Variants in DIPK1A observed in about 807,000 individuals in gnomAD.
DIPK1A encodes the protein divergent protein kinase domain 1A, also known as family with sequence similarity 69 member A.
A neutral mutation model predicts 40.8 loss-of-function variants in DIPK1A; 27 were observed. The observed-to-expected ratio is 0.66, with a 90% confidence interval of 0.49 to 0.91. The LOEUF (loss-of-function observed/expected upper bound fraction) is 0.91, where lower values mean the gene tolerates loss of function less well. Ranked by LOEUF, DIPK1A falls within the 40% of genes least tolerant of loss-of-function variation. The pLI is 0.00. For synonymous variants in DIPK1A, 166 were observed against 171.3 expected, an observed-to-expected ratio of 0.97 and a Z score of 0.24; for missense variants, 412 against 505.7, an observed-to-expected ratio of 0.81 and a Z score of 1.78.
chr1:92,959,745 T>C (rs1651988165), intron 1 of DIPK1A, among the ~76,000 whole-genome samples: 1 of 150,414 alleles, frequency 6.6e-6, no homozygotes, highest in African/African-American at 2.5e-5. Flanking sequence ...GCCGTTTTTT[T>C]GTTTTTGTTT....
chr1:92,835,490 TA>T (rs1293212593), intron 4 of DIPK1A, among the ~76,000 whole-genome samples: 1 of 146,438 alleles, frequency 6.8e-6, no homozygotes, highest in Non-Finnish European at 1.5e-5. Flanking sequence ...CTGTCTCTAC[TA>T]AAAAAGTAGA....
downstream of DIPK1A, among the ~76,000 whole-genome samples, chr1:92,838,471 C>A (rs1184066282): frequency 6.6e-6 from 1 of 152,222 alleles, no homozygotes; most frequent in African/African-American, 2.4e-5. Context: ...TTGCTCAGAA[C>A]TTTTCAGACT....
At chr1:92,919,979 T>A (rs900905916) in intron 1 of DIPK1A, among the ~76,000 whole-genome samples, 1 of 152,236 alleles carries the variant, frequency 6.6e-6, no homozygotes, top group Non-Finnish European at 1.5e-5. Flanking sequence ...TGTACACAAG[T>A]ATATCACAGG....
chr1:92,872,742 T>G (rs1647932481), intron 2 of DIPK1A, among the ~76,000 whole-genome samples: 1 of 152,220 alleles, frequency 6.6e-6, no homozygotes, highest in South Asian at 2.1e-4. Flanking sequence ...TAGCTACTTA[T>G]GTCCAAGGGT....
intron 1 of DIPK1A, among the ~76,000 whole-genome samples, chr1:92,958,543 C>A (rs1219617953): frequency 1.3e-5 from 2 of 152,146 alleles, no homozygotes; most frequent in Non-Finnish European, 2.9e-5. Flanking sequence ...GTACTCTTAC[C>A]CTTCCCCTCC....
intron 1 of DIPK1A, among the ~76,000 whole-genome samples, chr1:92,880,723 G>C (rs2100783548): frequency 6.6e-6 from 1 of 151,884 alleles, no homozygotes; most frequent in East Asian, 1.9e-4. Flanking sequence ...AAAAAAAATT[G>C]GCTGGGCGTG....
At chr1:92,847,089 G>T (rs1687665192) in intron 4 of DIPK1A, 94 bp downstream of exon 4, 2 of 788,160 alleles carry the variant, frequency 2.5e-6, no homozygotes, top group South Asian at 3.2e-5. Context: ...AGAGGTCAAA[G>T]AATATCAACA....
At chr1:92,921,982 G>C (rs1389389667) in intron 1 of DIPK1A, among the ~76,000 whole-genome samples, 2 of 151,982 alleles carry the variant, frequency 1.3e-5, no homozygotes, top group African/African-American at 4.8e-5. Context: ...CAGTCACAAA[G>C]AACTTAACGT....
rs1398028813 is a variant in DIPK1A at position 92,844,207 on chromosome 1, T to G, written c.475-12A>C. The G allele has an allele frequency of 6.5e-7, 1 of 1,528,630 alleles. No homozygotes were observed. Among genetic ancestry groups the G allele is most frequent in the Admixed American group, 2.0e-5 (1 of 49,600 alleles). The allele number at this position is 1,528,630 out of a possible 1,614,324, so 94.7% of individuals were successfully genotyped here. A position where few individuals can be genotyped will look rare whatever the true frequency, so the allele number is the denominator to read the frequency against. On this transcript the variant is annotated splice_polypyrimidine_tract_variant and intron_variant, in intron 4 of 4. Transcript: ENST00000370310. ...TCACCCAATTTTGCCTGTCAAGAAT[T>G]TGGCTAGTTACACAGAAGGAATGAA...
At chr1:92,867,858 A>T (rs1264092988) in intron 2 of DIPK1A, among the ~76,000 whole-genome samples, 2 of 152,152 alleles carry the variant, frequency 1.3e-5, no homozygotes, top group Non-Finnish European at 2.9e-5. Context: ...ACTCCTAAGC[A>T]ATGATTTCAG....
Position 92,843,466 on chromosome 1 carries a change from G to T in DIPK1A, c.1204C>A (p.Gln402Lys). The T allele has an allele frequency of 6.4e-7, 1 of 1,551,328 alleles. No individual in the cohort carries two copies. Among genetic ancestry groups the T allele is most frequent in the South Asian group, 1.2e-5 (1 of 84,010 alleles). ...SCIALKVTAN[Q>K]MEMEHSLILN... ...ATCAAAGAATGTTCCATTTCCATTT[G>T]ATTTGCTGTGACTTTGAGAGCAATA... Residue 402 changes from glutamine to lysine, a missense_variant, in exon 5 of 5, where the codon CAA becomes AAA. Coordinates refer to ENST00000370310, the MANE Select transcript of DIPK1A (RefSeq NM_001006605.5).
intron 1 of DIPK1A, among the ~76,000 whole-genome samples, chr1:92,935,409 G>A (rs1431963802): frequency 6.6e-6 from 1 of 152,150 alleles, no homozygotes. Context: ...AAAATAAAAT[G>A]AGATTAGAAA....
intron 4 of DIPK1A, chr1:92,833,877 G>C (rs923184566): frequency 1.8e-6 from 1 of 550,394 alleles, no homozygotes; most frequent in Non-Finnish European, 3.2e-6. Context: ...CCAGCACTTC[G>C]GGAAGATTGC....
At chr1:92,905,299 C>T (rs534023352) in intron 1 of DIPK1A, among the ~76,000 whole-genome samples, 23 of 152,218 alleles carry the variant, frequency 1.5e-4, no homozygotes, top group East Asian at 1.2e-3. Flanking sequence ...TTTTTATCTA[C>T]ATCCTTGCCA....
chr1:92,836,806 G>C (rs993783232), intron 4 of DIPK1A: 2 of 216,334 alleles, frequency 9.2e-6, no homozygotes, highest in Admixed American at 1.1e-4. Flanking sequence ...GCTTATGAAA[G>C]ATTTCTAAAC....
downstream of DIPK1A, chr1:92,837,775 T>C: frequency 1.4e-6 from 1 of 708,512 alleles, no homozygotes. Context: ...TTTAGTAATC[T>C]TTTAGATGCT....
Position 92,928,125 on chromosome 1 carries a change from TTCTA to T in DIPK1A, c.54+33247_54+33250del, listed in dbSNP as rs368543030. On this transcript the variant is annotated intron_variant, in intron 1 of 4. Coordinates refer to ENST00000370310, the MANE Select transcript of DIPK1A (RefSeq NM_001006605.5). The stretch of plus-strand genomic sequence containing the variant: ...ACATCCTTGTGAACACTTGTTATTG[TTCTA>T]TCTTTTTTATTATAGCCATCCTAGT... Among the ~76,000 whole-genome samples, 321 of 152,384 alleles carry T rather than the reference TTCTA, an allele frequency of 2.1e-3. 2 individuals are homozygous for T. The highest frequency in any genetic ancestry group is 0.013 in the South Asian group (62 of 4,830).
At chr1:92,874,879 T>C (rs1015966249) in intron 2 of DIPK1A, among the ~76,000 whole-genome samples, 4 of 152,174 alleles carry the variant, frequency 2.6e-5, no homozygotes, top group Non-Finnish European at 4.4e-5. Context: ...ACTATTATGC[T>C]AAGGATTAAT....
At chr1:92,852,103 C>T (rs1477545579) in intron 2 of DIPK1A, among the ~76,000 whole-genome samples, 1 of 152,116 alleles carries the variant, frequency 6.6e-6, no homozygotes, top group Non-Finnish European at 1.5e-5. Flanking sequence ...CCTCATTTCA[C>T]TCAGTAATGA....
Sources: gnomAD v4.1 joint callset for allele counts (sites outside exome capture counted in the v4.1 genomes callset) on GRCh38, gnomAD v4.1.1 for gene constraint, MANE v1.5 for transcripts, NCBI Gene and HGNC (gene_info 2026-07-23, HGNC 2026-07-21) for gene names.